Variants in FBXO11 observed in about 807,000 individuals in gnomAD.
FBXO11 encodes F-box protein 11, also known as F-box only protein 11.
In FBXO11, 13 loss-of-function variants were observed where a neutral mutation model predicts 117.0. The ratio of observed to expected loss-of-function variants is 0.11; its 90% CI spans 0.07 to 0.18. The LOEUF is 0.18. Among genes scored for constraint, FBXO11 ranks in the 10% least tolerant of loss-of-function variants. The probability of loss-of-function intolerance (pLI) is 1.00; values close to 1 mark genes in which losing one functional copy is unlikely to be tolerated. For synonymous variants in FBXO11, 490 were observed against 380.5 expected (o/e 1.29, Z -3.35); for missense variants, 767 against 1,164.4 (o/e 0.66, Z 4.97).
At chr2:47,849,322 A>G (rs1673665887) in intron 1 of FBXO11, among the ~76,000 whole-genome samples, 1 of 152,252 alleles carries the variant, frequency 6.6e-6, no homozygotes, top group African/African-American at 2.4e-5. Flanking sequence ...CTGATTTTAT[A>G]GTTACATTTT....
At chr2:47,831,427 G>GAAAAAAAAAAA (rs920107554) in intron 11 of FBXO11, among the ~76,000 whole-genome samples, 5 of 65,732 alleles carry the variant, frequency 7.6e-5, no homozygotes, top group Admixed American at 2.0e-4. Flanking sequence ...GTCTCAAAAA[G>GAAAAAAAAAAA]AAAAAAAAAA....
At position 47,862,437 on chromosome 2, in the gene FBXO11, T is replaced by C. The variant is rs374455621; in HGVS notation, c.233-22668A>G. 8.5e-5 allele frequency among the ~76,000 whole-genome samples: 13 copies of C among 152,250 alleles called. No homozygotes were observed. The East Asian group carries it at 2.3e-3, about 27-fold the overall frequency. On this transcript the variant is annotated intron_variant, in intron 1 of 22. Coordinates refer to ENST00000403359, the MANE Select transcript of FBXO11 (RefSeq NM_001190274.2). ...AATGAAAATAAGAATCAAAATCTAA[T>C]CTGTGAGGCAAACTTTTTATTTTTT...
chr2:47,837,313 G>A (rs929051221), intron 4 of FBXO11, among the ~76,000 whole-genome samples: 1 of 152,148 alleles, frequency 6.6e-6, no homozygotes, highest in South Asian at 2.1e-4. Context: ...GATCACCTGA[G>A]GTCAGGAGTT....
At chr2:47,843,699 C>T (rs1673187100) in intron 1 of FBXO11, among the ~76,000 whole-genome samples, 1 of 151,946 alleles carries the variant, frequency 6.6e-6, no homozygotes, top group Non-Finnish European at 1.5e-5. Context: ...TTTTCAATTT[C>T]TTACTTTTAT....
At chr2:47,816,324 C>G (rs766028569) in intron 16 of FBXO11, among the ~76,000 whole-genome samples, 3 of 152,086 alleles carry the variant, frequency 2.0e-5, no homozygotes, top group Non-Finnish European at 4.4e-5. Flanking sequence ...GGACCACAGG[C>G]GCATGCCACC....
At chr2:47,865,666 C>T (rs576184697) in intron 1 of FBXO11, 1 of 152,210 alleles carries the variant, frequency 6.6e-6, no homozygotes, top group Admixed American at 6.5e-5. Context: ...AATTAATAGT[C>T]ATACAAAGTA....
intron 1 of FBXO11, among the ~76,000 whole-genome samples, chr2:47,849,589 C>T (rs1448819235): frequency 6.6e-6 from 1 of 152,164 alleles, no homozygotes; most frequent in Admixed American, 6.5e-5. Context: ...AGACAGACAA[C>T]TAAACAGGCA....
At chr2:47,878,351 T>A (rs538957708) in intron 1 of FBXO11, among the ~76,000 whole-genome samples, 4 of 151,906 alleles carry the variant, frequency 2.6e-5, no homozygotes, top group Non-Finnish European at 5.9e-5. Context: ...CACCTTGCCT[T>A]TTGTTCTTTT....
At chr2:47,825,573 T>TC (rs1283292499) in intron 11 of FBXO11, among the ~76,000 whole-genome samples, 10 of 133,122 alleles carry the variant, frequency 7.5e-5, no homozygotes, top group African/African-American at 2.5e-4. Context: ...TTCTTCTTCT[T>TC]TTTTTTTTTT....
chr2:47,865,270 C>T (rs1443025962), intron 1 of FBXO11, among the ~76,000 whole-genome samples: 1 of 152,226 alleles, frequency 6.6e-6, no homozygotes, highest in African/African-American at 2.4e-5. Context: ...GAATAAAGCT[C>T]ACATTTCTCA....
intron 1 of FBXO11, among the ~76,000 whole-genome samples, chr2:47,892,698 A>G (rs75286527): frequency 0.055 from 8,355 of 152,290 alleles, 249 homozygotes; most frequent in Non-Finnish European, 0.069. Flanking sequence ...TTCTAGCAAC[A>G]TATAATTTAA....
intron 11 of FBXO11, among the ~76,000 whole-genome samples, chr2:47,825,240 T>C (rs895541713): frequency 7.2e-5 from 11 of 152,344 alleles, no homozygotes; most frequent in Admixed American, 6.5e-4. Flanking sequence ...GAACAAATTA[T>C]CTATAACTTA....
chr2:47,855,032 G>A (rs761426362), intron 1 of FBXO11, among the ~76,000 whole-genome samples: 1 of 152,054 alleles, frequency 6.6e-6, no homozygotes, highest in African/African-American at 2.4e-5. Flanking sequence ...GGTGGTGGTA[G>A]TAAGAATAAG....
chr2:47,904,406 A>G (rs917930071), intron 1 of FBXO11, among the ~76,000 whole-genome samples: 1 of 152,242 alleles, frequency 6.6e-6, no homozygotes, highest in Non-Finnish European at 1.5e-5. Context: ...TAAACCTCCC[A>G]AAATAACCAC....
At chr2:47,899,980 C>A (rs1026573849) in intron 1 of FBXO11, among the ~76,000 whole-genome samples, 2 of 152,022 alleles carry the variant, frequency 1.3e-5, no homozygotes, top group African/African-American at 4.8e-5. Context: ...AATACTCAAA[C>A]TAGGGGTTCT....
At chr2:47,862,974 G>A (rs1674896259) in intron 1 of FBXO11, among the ~76,000 whole-genome samples, 1 of 149,824 alleles carries the variant, frequency 6.7e-6, no homozygotes, top group Non-Finnish European at 1.5e-5. Flanking sequence ...AGAATCGCTT[G>A]AACCCCGGAA....
Position 47,906,093 on chromosome 2 carries a change from A to G in FBXO11, c.-373T>C, listed in dbSNP as rs1678794493. ...CGGCGGCGGCGGCGGCGGCGGCTGAAGAGACAGATCCCGGTCCCGCCGACT... is the reference window on the plus strand; with the variant it reads ...CGGCGGCGGCGGCGGCGGCGGCTGAGGAGACAGATCCCGGTCCCGCCGACT... On this transcript the variant is annotated 5_prime_UTR_variant, in exon 1 of 23. Coordinates refer to ENST00000403359, the MANE Select transcript of FBXO11 (RefSeq NM_001190274.2). 1 of 228,830 alleles carries G rather than the reference A, an allele frequency of 4.4e-6. No homozygotes were observed. The highest frequency in any genetic ancestry group is 6.6e-5 in the South Asian group (1 of 15,160). The allele number at this position is 228,830 out of a possible 1,614,324, so 14.2% of individuals were successfully genotyped here.
At chr2:47,815,058 C>G (rs899672201) in intron 16 of FBXO11, among the ~76,000 whole-genome samples, 1 of 152,152 alleles carries the variant, frequency 6.6e-6, no homozygotes, top group Non-Finnish European at 1.5e-5. Context: ...CAATTTCTAC[C>G]ACGTCTGGAA....
At chr2:47,816,239 GT>G (rs1448144380) in intron 16 of FBXO11, among the ~76,000 whole-genome samples, 2 of 152,290 alleles carry the variant, frequency 1.3e-5, no homozygotes, top group East Asian at 3.9e-4. Flanking sequence ...GAGCACAGTG[GT>G]ATAATCATAG....
Sources: gnomAD v4.1 joint callset for allele counts (sites outside exome capture counted in the v4.1 genomes callset) on GRCh38, gnomAD v4.1.1 for gene constraint, MANE v1.5 for transcripts, NCBI Gene and HGNC (gene_info 2026-07-23, HGNC 2026-07-21) for gene names.